Variants in SEL1L observed in about 807,000 individuals in gnomAD.
SEL1L encodes the protein protein sel-1 homolog 1.
Under a neutral mutation model 109.8 loss-of-function variants are expected in SEL1L, and 52 were observed. The observed-to-expected ratio is 0.47, with a 90% CI of 0.38 to 0.60. The LOEUF is 0.60. Ranked by LOEUF, SEL1L falls within the 20% of genes least tolerant of loss-of-function variation. The pLI is 0.00. For missense variants in SEL1L, 749 were observed against 962.2 expected (o/e 0.78, Z 2.93); for synonymous variants, 373 against 339.6 (o/e 1.10, Z -1.08).
At chr14:81,519,564 A>G (rs911906743) in intron 3 of SEL1L, among the ~76,000 whole-genome samples, 2 of 152,228 alleles carry the variant, frequency 1.3e-5, no homozygotes, top group Non-Finnish European at 2.9e-5. Context: ...TGTAAATAGA[A>G]GAAGTTTGGA....
At chr14:81,489,636 C>T (rs1396573688) in intron 13 of SEL1L, among the ~76,000 whole-genome samples, 1 of 152,134 alleles carries the variant, frequency 6.6e-6, no homozygotes, top group Admixed American at 6.5e-5. Context: ...AAATGAAAGG[C>T]AGGTCACATT....
At chr14:81,498,271 T>C (rs1375365962) in intron 9 of SEL1L, 142 bp downstream of exon 9, 4 of 831,818 alleles carry the variant, frequency 4.8e-6, no homozygotes, top group Non-Finnish European at 7.3e-6. Context: ...AAAAAGTACT[T>C]CTGAACCTCA....
intron 3 of SEL1L, among the ~76,000 whole-genome samples, chr14:81,519,958 T>A (rs1036492246): frequency 7.9e-5 from 12 of 152,188 alleles, no homozygotes; most frequent in Non-Finnish European, 7.3e-5. Flanking sequence ...TGAATCATGC[T>A]AAGGACTGCA....
chr14:81,514,879 C>T (rs117338568), intron 3 of SEL1L, among the ~76,000 whole-genome samples: 4,196 of 152,152 alleles, frequency 0.028, 82 homozygotes, highest in South Asian at 0.045. Context: ...AAAATGGTCA[C>T]CTGAGGGAAG....
At chr14:81,485,157 G>A (rs1045478003) in intron 18 of SEL1L, among the ~76,000 whole-genome samples, 2 of 152,214 alleles carry the variant, frequency 1.3e-5, no homozygotes, top group African/African-American at 4.8e-5. Flanking sequence ...ATAGCTTGAT[G>A]GAAATGTGTA....
rs565823864 is a variant in SEL1L at position 81,476,485 on chromosome 14, C to CT, written c.*486dup. 2.6e-3 allele frequency: 383 copies of CT among 146,218 alleles called. No individual in the cohort carries two copies. The highest frequency in any genetic ancestry group is 5.4e-3 in the Admixed American group (79 of 14,522). 9.1% of individuals were successfully genotyped at this position (146,218 alleles called of 1,614,324 possible). On this transcript the variant is annotated 3_prime_UTR_variant, in exon 21 of 21. Transcript: ENST00000336735. ...CAGTTCCAAAACATTTTCAAGATAGCTTTTTTTTTTTTTAACTTAAAAGGC... is the reference window on the plus strand; with the variant it reads ...CAGTTCCAAAACATTTTCAAGATAGCTTTTTTTTTTTTTTAACTTAAAAGGC...
intron 12 of SEL1L, among the ~76,000 whole-genome samples, chr14:81,490,886 G>C (rs1883515706): frequency 6.6e-6 from 1 of 152,262 alleles, no homozygotes; most frequent in East Asian, 1.9e-4. Context: ...GGGCCACAAA[G>C]CAAGACCTCA....
chr14:81,482,976 T>G (rs984109046), intron 19 of SEL1L, among the ~76,000 whole-genome samples: 1 of 152,208 alleles, frequency 6.6e-6, no homozygotes, highest in Non-Finnish European at 1.5e-5. Context: ...TGTCAGGGAA[T>G]GCATGCTTTC....
chr14:81,524,251 T>C (rs1432710207), intron 3 of SEL1L, among the ~76,000 whole-genome samples: 2 of 152,154 alleles, frequency 1.3e-5, no homozygotes, highest in African/African-American at 2.4e-5. Flanking sequence ...TGAGGAACTT[T>C]AGAATGGTGA....
At chr14:81,517,342 A>G (rs1884740418) in intron 3 of SEL1L, among the ~76,000 whole-genome samples, 1 of 152,234 alleles carries the variant, frequency 6.6e-6, no homozygotes, top group South Asian at 2.1e-4. Context: ...GGGAAGAGAA[A>G]GGACCCCCAA....
chr14:81,504,199 A>G lies in SEL1L; in HGVS notation c.614+2T>C. The G allele has an allele frequency of 6.4e-7, 1 of 1,571,036 alleles. No homozygotes were observed. The highest frequency in any genetic ancestry group is 8.7e-7 in the Non-Finnish European group (1 of 1,153,924). On this transcript the variant is annotated splice_donor_variant, in intron 5 of 20. Coordinates refer to ENST00000336735, the MANE Select transcript of SEL1L (RefSeq NM_005065.6). LOFTEE classifies it high-confidence loss of function. Reference sequence around the variant, plus strand: ...AAAAGTGGACTTAGCAGTGCTACCTACTCTCTTTTTTGGCTTTTCTTATTG... The same window carrying G: ...AAAAGTGGACTTAGCAGTGCTACCTGCTCTCTTTTTTGGCTTTTCTTATTG...
intron 3 of SEL1L, among the ~76,000 whole-genome samples, chr14:81,518,949 G>A (rs971204083): frequency 1.3e-5 from 2 of 152,124 alleles, no homozygotes; most frequent in African/African-American, 4.8e-5. Flanking sequence ...TGAGAAGGCT[G>A]GCTTCCAAGG....
At chr14:81,489,553 A>G (rs531772053) in intron 13 of SEL1L, among the ~76,000 whole-genome samples, 1 of 152,326 alleles carries the variant, frequency 6.6e-6, no homozygotes, top group South Asian at 2.1e-4. Flanking sequence ...TTAGAATTAC[A>G]TTTTGTTGAC....
chr14:81,481,047 G>C (rs2139983527), intron 19 of SEL1L, among the ~76,000 whole-genome samples: 1 of 152,162 alleles, frequency 6.6e-6, no homozygotes, highest in East Asian at 1.9e-4. Context: ...TTGAAATACT[G>C]GTTCTGGAGA....
chr14:81,480,818 G>C (rs1041378118), intron 19 of SEL1L, among the ~76,000 whole-genome samples: 3 of 152,144 alleles, frequency 2.0e-5, no homozygotes, highest in Non-Finnish European at 2.9e-5. Flanking sequence ...TCCTGAAAGG[G>C]ATCTGCTGAG....
chr14:81,486,239 G>A (rs761355433), intron 17 of SEL1L, 50 bp downstream of exon 17: 12 of 1,553,432 alleles, frequency 7.7e-6, no homozygotes, highest in Non-Finnish European at 1.1e-5. Flanking sequence ...CAGTTTACTG[G>A]TGTGAACTCG....
intron 4 of SEL1L, among the ~76,000 whole-genome samples, chr14:81,505,543 T>A (rs1172026539): frequency 6.7e-6 from 1 of 150,142 alleles, no homozygotes; most frequent in Non-Finnish European, 1.5e-5. Flanking sequence ...TTTAAGGGAT[T>A]ATGTTCAAGA....
chr14:81,496,528 CAGG>C (rs966762652), intron 10 of SEL1L, among the ~76,000 whole-genome samples: 2 of 151,996 alleles, frequency 1.3e-5, no homozygotes, highest in African/African-American at 4.8e-5. Flanking sequence ...TCACTTAGAC[CAGG>C]AGTTCAAGAT....
rs146808798 is a variant in SEL1L at position 81,526,858 on chromosome 14, A to G, written c.215T>C (p.Ile72Thr). Residue 72 changes from isoleucine (I) to threonine (T), a missense_variant, in exon 3 of 21, where the codon ATT becomes ACT. Around this residue, in one of 2 missense-constraint regions of SEL1L, gnomAD observed 366 missense variants for 399.8 expected, o/e 0.92. Transcript: ENST00000336735. Reference protein sequence around the residue: ...DSEESELESSIQEEEDSLKSQ... With the variant: ...DSEESELESSTQEEEDSLKSQ... ...CTTGAGGCTGTCTTCCTCTTCTTGA[A>G]TAGAGGATTCTAATTCAGATTCTTC... is the stretch of plus-strand genomic sequence containing the variant. 12 of 1,600,860 alleles carry G rather than the reference A, an allele frequency of 7.5e-6. No homozygotes were observed. In the South Asian group the frequency reaches 9.0e-5, roughly 12 times the overall value.
Sources: gnomAD v4.1 joint callset for allele counts (sites outside exome capture counted in the v4.1 genomes callset) on GRCh38, gnomAD v4.1.1 for gene constraint, gnomAD v4.1.1 regional missense constraint, MANE v1.5 for transcripts, NCBI Gene and HGNC (gene_info 2026-07-23, HGNC 2026-07-21) for gene names.